Variants in C8A observed in about 807,000 individuals in gnomAD.
C8A encodes complement C8 alpha chain.
In C8A, 67 loss-of-function variants were observed where a neutral mutation model predicts 65.3. The ratio of observed to expected loss-of-function variants is 1.03; its 90% confidence interval spans 0.84 to 1.26. C8A has a LOEUF of 1.26. Among genes scored for constraint, C8A ranks in the 50% most tolerant of loss-of-function variants. The probability of loss-of-function intolerance (pLI) is 0.00; values close to 1 mark genes in which losing one functional copy is unlikely to be tolerated. For synonymous variants in C8A, 290 were observed against 259.4 expected (o/e 1.12, Z -1.13); for missense variants, 781 against 723.9 (o/e 1.08, Z -0.90).
chr1:56,867,779 T>G, intron 2 of C8A, 77 bp downstream of exon 2: 2 of 1,060,948 alleles, frequency 1.9e-6, no homozygotes, highest in Non-Finnish European at 2.9e-6. Context: ...GATTAAGCAG[T>G]CCACTATGTC....
intron 9 of C8A, among the ~76,000 whole-genome samples, chr1:56,911,699 A>G (rs1623504): frequency 0.1 from 15,595 of 152,222 alleles, 1,251 homozygotes; most frequent in African/African-American, 0.22. Context: ...CCGAAGTTGA[A>G]AAACCCTGAA....
chr1:56,877,782 C>T (rs1411832673), intron 4 of C8A, among the ~76,000 whole-genome samples: 3 of 152,104 alleles, frequency 2.0e-5, no homozygotes, highest in Admixed American at 1.3e-4. Flanking sequence ...CCTGTTGCAG[C>T]CCACCCAAGG....
At position 56,876,045 on chromosome 1, in the gene C8A, C is replaced by T. The variant is rs2101219252; in HGVS notation, c.317-17C>T. 1 of 1,612,636 alleles carries T rather than the reference C, an allele frequency of 6.2e-7. No homozygotes were observed. The highest frequency in any genetic ancestry group is 8.5e-7 in the Non-Finnish European group (1 of 1,179,434). On this transcript the variant is annotated splice_polypyrimidine_tract_variant and intron_variant, in intron 3 of 10. Coordinates refer to ENST00000361249, the MANE Select transcript of C8A (RefSeq NM_000562.3). ...GAGAGGGGAACCCGAGGAGCAGCCA[C>T]AGTCTCTTCTCTCCAGGTCGCTGCC...
Position 56,885,424 on chromosome 1 carries a change from T to TTACATAAATATATATTTATG in C8A, c.856-501_856-500insCATAAATATATATTTATGTA, listed in dbSNP as rs1329494753. Among the ~76,000 whole-genome samples, 71 of 90,058 alleles carry TTACATAAATATATATTTATG rather than the reference T, an allele frequency of 7.9e-4. 4 individuals are homozygous for TTACATAAATATATATTTATG. The highest frequency in any genetic ancestry group is 6.2e-3 in the African/African-American group (66 of 10,682). 59.1% of individuals were successfully genotyped at this position (90,058 alleles called of 152,430 possible). A position where few individuals can be genotyped will look rare whatever the true frequency, so the allele number is the denominator to read the frequency against. On this transcript the variant is annotated intron_variant, in intron 6 of 10. Coordinates refer to ENST00000361249, the MANE Select transcript of C8A (RefSeq NM_000562.3). ...AATATATATTTATTTAAATATATAT[T>TTACATAAATATATATTTATG]TAAATATATATTTAAGTAAATATAT...
Position 56,918,039 on chromosome 1 carries a change from G to C in C8A, c.*323G>C, listed in dbSNP as rs1644567984. On this transcript the variant is annotated 3_prime_UTR_variant, in exon 11 of 11. Coordinates refer to ENST00000361249, the MANE Select transcript of C8A (RefSeq NM_000562.3). The stretch of plus-strand genomic sequence containing the variant: ...ATCCATGACCAGGGAGAACTTACAG[G>C]ATGTTAGAGACAAAACAAGCAGACA... 1 of 265,580 alleles carries C rather than the reference G, an allele frequency of 3.8e-6. No homozygotes were observed. Among genetic ancestry groups the C allele is most frequent in the African/African-American group, 2.2e-5 (1 of 44,718 alleles). 16.5% of individuals were successfully genotyped at this position (265,580 alleles called of 1,614,324 possible).
chr1:56,867,639 A>G lies in C8A; in HGVS notation c.108A>G (p.Ala36=), dbSNP rs34047108. The G allele has an allele frequency of 0.018, 28,382 of 1,613,766 alleles. 295 individuals carry two copies. The highest frequency in any genetic ancestry group is 0.021 in the Non-Finnish European group (24,978 of 1,179,752). The change falls in exon 2 of 11, where the codon GCA becomes GCG. Residue 36 remains alanine, a synonymous_variant. Transcript: ENST00000361249. ...TAAGACGGGCAGCTACACCCGCAGC[A>G]GTTACCTGCCAGCTGAGCAACTGGT... ...QRVRRAATPA[A]VTCQLSNWSE...
chr1:56,862,029 G>A (rs780719960), intron 1 of C8A, among the ~76,000 whole-genome samples: 16 of 152,162 alleles, frequency 1.1e-4, no homozygotes, highest in Non-Finnish European at 2.2e-4. Context: ...ATTTTAAAAG[G>A]CAGATGGGAA....
In C8A at chr1:56,918,182, A is replaced by T; in HGVS notation, c.*466A>T. The T allele has an allele frequency of 6.3e-6, 1 of 158,018 alleles. No individual in the cohort carries two copies. Among genetic ancestry groups the T allele is most frequent in the East Asian group, 1.9e-4 (1 of 5,384 alleles). 9.8% of individuals were successfully genotyped at this position (158,018 alleles called of 1,614,324 possible). A position where few individuals can be genotyped will look rare whatever the true frequency, so the allele number is the denominator to read the frequency against. On this transcript the variant is annotated 3_prime_UTR_variant, in exon 11 of 11. Transcript: ENST00000361249. ...TTGGTAGGGTAAGCAGACACTCTGA[A>T]ACAATGAGAAAAATACTAAAAATTG...
rs373458331 is a variant in C8A, at chr1:56,861,462, CA to C, written c.78-6146del. Among the ~76,000 whole-genome samples the C allele has an allele frequency of 4.1e-3, 619 of 152,212 alleles. 5 individuals are homozygous for C. Among genetic ancestry groups the C allele is most frequent in the African/African-American group, 0.014 (573 of 41,548 alleles). On this transcript the variant is annotated intron_variant, in intron 1 of 10. Transcript: ENST00000361249. The stretch of plus-strand genomic sequence containing the variant: ...ATGAGTCTGTCTAGCCAGGAGAACC[CA>C]CTCACTACCACAAGAGCAGCACTAA...
chr1:56,897,216 G>C (rs1184929265), intron 7 of C8A, among the ~76,000 whole-genome samples: 8 of 152,140 alleles, frequency 5.3e-5, no homozygotes, highest in African/African-American at 1.7e-4. Context: ...TGTTGAGTCA[G>C]TTTGACCCAT....
chr1:56,854,826 A>G lies in C8A; in HGVS notation c.-76A>G, dbSNP rs767930243. ...AGATCTTACAGGTCCCAGCCTGTAGACATCTTTTACTCCAATTTCCTGAAT... is the reference window on the plus strand; with the variant it reads ...AGATCTTACAGGTCCCAGCCTGTAGGCATCTTTTACTCCAATTTCCTGAAT... On this transcript the variant is annotated 5_prime_UTR_variant, in exon 1 of 11. Transcript: ENST00000361249. 5 of 1,245,636 alleles carry G rather than the reference A, an allele frequency of 4.0e-6. No homozygotes were observed. Among genetic ancestry groups the G allele is most frequent in the Non-Finnish European group, 5.8e-6 (5 of 860,328 alleles). 77.2% of individuals were successfully genotyped at this position (1,245,636 alleles called of 1,614,324 possible).
At chr1:56,885,326 T>A (rs533977322) in intron 6 of C8A, among the ~76,000 whole-genome samples, 4 of 132,742 alleles carry the variant, frequency 3.0e-5, no homozygotes, top group African/African-American at 8.7e-5. Flanking sequence ...ATATATTTAT[T>A]TAAATATATA....
intron 1 of C8A, among the ~76,000 whole-genome samples, chr1:56,861,951 C>T (rs189012797): frequency 6.6e-6 from 1 of 152,270 alleles, no homozygotes; most frequent in East Asian, 1.9e-4. Flanking sequence ...CATTCTGGGT[C>T]AAGTGTTTGA....
intron 7 of C8A, among the ~76,000 whole-genome samples, chr1:56,905,497 C>T (rs937670193): frequency 1.2e-4 from 18 of 152,296 alleles, no homozygotes; most frequent in Admixed American, 1.1e-3. Flanking sequence ...TTACTGAACA[C>T]GGCACACACC....
chr1:56,894,317 A>G (rs920409474), intron 7 of C8A, among the ~76,000 whole-genome samples: 6 of 152,088 alleles, frequency 3.9e-5, no homozygotes, highest in African/African-American at 9.7e-5. Context: ...TCTTTGATCA[A>G]GGTCATTCAT....
intron 8 of C8A, among the ~76,000 whole-genome samples, chr1:56,907,044 T>G (rs575757731): frequency 6.6e-6 from 1 of 152,120 alleles, no homozygotes; most frequent in Non-Finnish European, 1.5e-5. Context: ...TAGACAAAGG[T>G]CCAAGTAAGA....
intron 1 of C8A, among the ~76,000 whole-genome samples, chr1:56,858,666 G>C (rs1200817161): frequency 6.6e-6 from 1 of 152,196 alleles, no homozygotes; most frequent in East Asian, 1.9e-4. Flanking sequence ...TAGTAGTCCA[G>C]AAGACTGAAA....
At chr1:56,915,342 A>G (rs1476675117) in intron 10 of C8A, among the ~76,000 whole-genome samples, 2 of 152,166 alleles carry the variant, frequency 1.3e-5, no homozygotes, top group Non-Finnish European at 2.9e-5. Flanking sequence ...ACCAACTCCC[A>G]GGGCCAGTTC....
intron 7 of C8A, among the ~76,000 whole-genome samples, chr1:56,898,197 G>A (rs1418612381): frequency 1.3e-5 from 2 of 152,122 alleles, no homozygotes; most frequent in Admixed American, 6.5e-5. Flanking sequence ...GCTGAGGCCA[G>A]GGCATAAATG....
Sources: allele counts gnomAD v4.1 joint callset (sites outside exome capture counted in the v4.1 genomes callset), GRCh38; gene constraint gnomAD v4.1.1; transcripts MANE v1.5; gene names NCBI Gene and HGNC (gene_info 2026-07-23, HGNC 2026-07-21).